LAIR1: variants seen among roughly 807,000 people sequenced by gnomAD.
LAIR1 encodes the protein leukocyte associated immunoglobulin like receptor 1.
In LAIR1, 24 loss-of-function variants were observed where a neutral mutation model predicts 32.8. That is an observed-to-expected ratio of 0.73 (90% CI 0.53 to 1.03). LAIR1 has a LOEUF of 1.03. Among genes scored for constraint, LAIR1 ranks in the 50% least tolerant of loss-of-function variants. The pLI, the probability that LAIR1 is intolerant of heterozygous loss-of-function variation, is 0.00. For synonymous variants in LAIR1, 150 were observed against 140.5 expected (o/e 1.07, Z -0.48); for missense variants, 355 against 347.5 (o/e 1.02, Z -0.17).
At position 54,361,005 on chromosome 19, in the gene LAIR1, C is replaced by T; in HGVS notation, c.275G>A (p.Arg92Lys). Residue 92 changes from arginine (R) to lysine (K), a missense_variant, in exon 3 of 10, where the codon AGA becomes AAA. By Grantham distance (26) the Arg-to-Lys change is conservative. Coordinates refer to ENST00000391742, the MANE Select transcript of LAIR1 (RefSeq NM_002287.6). ...GCGATAAAGCCCGGCATTTCCTTCT[C>T]TTACTGAGTCAATGCGGAATCTGGC... ...SEARFRIDSVREGNAGLYRCI... is the reference protein window; with the variant it reads ...SEARFRIDSVKEGNAGLYRCI... 2 of 1,614,178 alleles carry T rather than the reference C, an allele frequency of 1.2e-6. No individual in the cohort carries two copies. The highest frequency in any genetic ancestry group is 2.2e-5 in the East Asian group (1 of 44,884).
Position 54,355,142 on chromosome 19 carries a change from AG to A in LAIR1, c.*125del. ...CCTCCAGTCTCCAGCTCTTGTCTCC[AG>A]GACAGCTGCCTGGCTGGCTTTCTAG... is the stretch of plus-strand genomic sequence containing the variant. On this transcript the variant is annotated 3_prime_UTR_variant, in exon 10 of 10. Transcript: ENST00000391742. This position sits in a 1 kb window ranked among gnomAD's most constrained non-coding sequence, Gnocchi z 4.7. The A allele has an allele frequency of 1.0e-6, 1 of 956,212 alleles. No individual in the cohort carries two copies. Among genetic ancestry groups the A allele is most frequent in the Non-Finnish European group, 1.6e-6 (1 of 636,534 alleles). The allele number at this position is 956,212 out of a possible 1,614,324, so 59.2% of individuals were successfully genotyped here.
intron 2 of LAIR1, among the ~76,000 whole-genome samples, chr19:54,361,486 C>G (rs58704554): frequency 0.59 from 88,617 of 148,946 alleles, 25,591 homozygotes; most frequent in East Asian, 0.74. Flanking sequence ...GTCGGAGCAG[C>G]CTGGAGCCCT....
chr19:54,360,826 G>A, intron 3 of LAIR1, 90 bp downstream of exon 3: 3 of 1,335,316 alleles, frequency 2.2e-6, no homozygotes, highest in Non-Finnish European at 3.1e-6. Flanking sequence ...GTTGGCCACA[G>A]AGGACAGCAG....
chr19:54,356,529 A>G lies in LAIR1; in HGVS notation c.545T>C (p.Val182Ala), dbSNP rs1403385861. The change falls in exon 6 of 10, where the codon GTC (valine) becomes GCC (alanine). Residue 182 changes from valine to alanine, a missense_variant. Val to Ala is a moderately conservative substitution (Grantham distance 64). Transcript: ENST00000391742. ...ATTCTGGCGATGGAGGCAGAAGAGGACCAGGAGGAGGAGACAGAAGAGGAA... is the reference window on the plus strand; with the variant it reads ...ATTCTGGCGATGGAGGCAGAAGAGGGCCAGGAGGAGGAGACAGAAGAGGAA... ...VVFLFCLLLL[V>A]LFCLHRQNQI... 9.9e-6 allele frequency: 16 copies of G among 1,613,876 alleles called. No homozygotes were observed. In the Admixed American group the frequency reaches 2.5e-4, roughly 25 times the overall value.
chr19:54,356,205 C>A, intron 8 of LAIR1, 25 bp downstream of exon 8: 2 of 1,606,698 alleles, frequency 1.2e-6, no homozygotes, highest in South Asian at 1.1e-5. Context: ...CCATCCCAGG[C>A]CTGTCCCTCC....
chr19:54,356,663 A>G, intron 5 of LAIR1, 44 bp from the exon 6 acceptor site: 1 of 1,589,442 alleles, frequency 6.3e-7, no homozygotes, highest in Admixed American at 1.7e-5. Context: ...GCATTTATTG[A>G]GCACCTACTG....
upstream of LAIR1, among the ~76,000 whole-genome samples, chr19:54,366,614 G>A (rs982251190): frequency 4.6e-5 from 7 of 151,954 alleles, no homozygotes; most frequent in South Asian, 2.1e-4. Flanking sequence ...TCAGCCTCCC[G>A]ATTAGCTGGG....
upstream of LAIR1, among the ~76,000 whole-genome samples, chr19:54,375,514 C>T (rs2082484373): frequency 6.6e-6 from 1 of 152,218 alleles, no homozygotes; most frequent in Non-Finnish European, 1.5e-5. Context: ...ACATCATCAT[C>T]CATACGCCCG....
chr19:54,368,229 A>C (rs1481431206), upstream of LAIR1: 1 of 152,120 alleles, frequency 6.6e-6, no homozygotes, highest in African/African-American at 2.4e-5. Flanking sequence ...TGGTTTTGTA[A>C]ATCATGAGGA....
At position 54,351,764 on chromosome 19, in the gene LAIR1, G is replaced by A. The variant is rs1204762082; in HGVS notation, c.*3504C>T. ...CATCCAGAGAGAGTGTTTTAAATGG[G>A]GCTATGACAGAGAAGGTAGACGAGG... On this transcript the variant is annotated 3_prime_UTR_variant, in exon 10 of 10. Transcript: ENST00000391742. 1.2e-5 allele frequency: 1 copy of A among 84,168 alleles called. No individual in the cohort carries two copies. Among genetic ancestry groups the A allele is most frequent in the Non-Finnish European group, 2.3e-5 (1 of 42,748 alleles). 5.2% of individuals were successfully genotyped at this position (84,168 alleles called of 1,614,324 possible).
upstream of LAIR1, among the ~76,000 whole-genome samples, chr19:54,375,469 T>C (rs60231358): frequency 0.26 from 38,886 of 152,098 alleles, 5,404 homozygotes; most frequent in African/African-American, 0.38. Context: ...TCTTCCTTCC[T>C]GTGACTGGGG....
rs1246783781 is a variant in LAIR1, at chr19:54,353,567, T to C, written c.*1701A>G. 1 of 152,070 alleles carries C rather than the reference T, an allele frequency of 6.6e-6. No individual in the cohort carries two copies. The highest frequency in any genetic ancestry group is 2.4e-5 in the African/African-American group (1 of 41,398). 9.4% of individuals were successfully genotyped at this position (152,070 alleles called of 1,614,324 possible). On this transcript the variant is annotated 3_prime_UTR_variant, in exon 10 of 10. Coordinates refer to ENST00000391742, the MANE Select transcript of LAIR1 (RefSeq NM_002287.6). The stretch of plus-strand genomic sequence containing the variant: ...GGCCGACCTTGGACAGGTTACTTCA[T>C]GTCTCGGTCCATAGTTTCTGTTTTT...
upstream of LAIR1, among the ~76,000 whole-genome samples, chr19:54,373,276 A>G (rs1461034791): frequency 6.7e-6 from 1 of 149,722 alleles, no homozygotes; most frequent in East Asian, 2.0e-4. Context: ...CCCCATCTCT[A>G]CTAAAAAAAT....
intron 5 of LAIR1, 139 bp from the exon 6 acceptor site, chr19:54,356,758 A>C: frequency 8.6e-7 from 1 of 1,167,842 alleles, no homozygotes; most frequent in Non-Finnish European, 1.2e-6. Flanking sequence ...CAGTACAGGG[A>C]TCGTTATCCC....
upstream of LAIR1, chr19:54,365,062 A>G: frequency 7.2e-7 from 1 of 1,382,032 alleles, no homozygotes; most frequent in Non-Finnish European, 9.3e-7. Context: ...ATGACCGTAA[A>G]CTAGTTACCA....
upstream of LAIR1, among the ~76,000 whole-genome samples, chr19:54,372,071 T>C (rs969349331): frequency 1.3e-5 from 2 of 151,732 alleles, no homozygotes; most frequent in African/African-American, 4.9e-5. Flanking sequence ...CTTCCAAGTT[T>C]GGGCGATTAT....
chr19:54,358,633 GACAAAATA>G (rs1387477441), intron 4 of LAIR1: 2 of 1,588,382 alleles, frequency 1.3e-6, no homozygotes, highest in African/African-American at 2.7e-5. Flanking sequence ...TCCCTGTGAG[GACAAAATA>G]CTTCCTCAGT....
chr19:54,354,193 T>G lies in LAIR1; in HGVS notation c.*1075A>C, dbSNP rs376956020. The G allele has an allele frequency of 1.3e-5, 2 of 152,266 alleles. No homozygotes were observed. The highest frequency in any genetic ancestry group is 6.5e-5 in the Admixed American group (1 of 15,280). 9.4% of individuals were successfully genotyped at this position (152,266 alleles called of 1,614,324 possible). A position where few individuals can be genotyped will look rare whatever the true frequency, so the allele number is the denominator to read the frequency against. ...AACCAACAGCAGGCTCAGTGATTCCTTGGATTTCCTGGGGCGTGTGAGTGT... is the reference window on the plus strand; with the variant it reads ...AACCAACAGCAGGCTCAGTGATTCCGTGGATTTCCTGGGGCGTGTGAGTGT... On this transcript the variant is annotated 3_prime_UTR_variant, in exon 10 of 10. Coordinates refer to ENST00000391742, the MANE Select transcript of LAIR1 (RefSeq NM_002287.6).
chr19:54,370,588 G>T (rs926242155), upstream of LAIR1: 1 of 307,920 alleles, frequency 3.2e-6, no homozygotes, highest in East Asian at 5.7e-5. Flanking sequence ...ACTGAAAACC[G>T]CACAGGATGT....
Sources: gnomAD v4.1 joint callset for allele counts (sites outside exome capture counted in the v4.1 genomes callset) on GRCh38, gnomAD v4.1.1 for gene constraint, Gnocchi (gnomAD v3.1) non-coding constraint, MANE v1.5 for transcripts, NCBI Gene and HGNC (gene_info 2026-07-23, HGNC 2026-07-21) for gene names.